Variants in SRRM4 observed in about 807,000 individuals in gnomAD.
SRRM4 encodes the protein serine/arginine repetitive matrix 4, also known as serine/arginine repetitive matrix protein 4.
Under a neutral mutation model 68.9 loss-of-function variants are expected in SRRM4, and 33 were observed. The ratio of observed to expected loss-of-function variants is 0.48; its 90% CI spans 0.36 to 0.64. The LOEUF (loss-of-function observed/expected upper bound fraction) is 0.64, where lower values mean the gene tolerates loss of function less well. SRRM4 is among the 30% of genes least tolerant of loss of function. The pLI is 0.00. For missense variants in SRRM4, 817 were observed against 827.1 expected (o/e 0.99, Z 0.15); for synonymous variants, 318 against 318.8 (o/e 1.00, Z 0.03).
At chr12:119,047,454 C>T (rs984636752) in intron 1 of SRRM4, among the ~76,000 whole-genome samples, 3 of 152,022 alleles carry the variant, frequency 2.0e-5, no homozygotes, top group African/African-American at 7.3e-5. Context: ...TACACTGTAC[C>T]CAATGTGTAG....
rs1167459394 is a variant in SRRM4 at position 119,150,141 on chromosome 12, G to A, written c.1077-876G>A. 2.0e-5 allele frequency among the ~76,000 whole-genome samples: 3 copies of A among 151,408 alleles called. No homozygotes were observed. In the East Asian group the frequency reaches 5.8e-4, roughly 29 times the overall value. On this transcript the variant is annotated intron_variant, in intron 9 of 12. Transcript: ENST00000267260. ...ACTCATTTTTAATATATAAGTAAAA[G>A]GAAAATTACAGTACTATCTGAAATA...
chr12:119,051,677 A>G (rs1165299255), intron 1 of SRRM4, among the ~76,000 whole-genome samples: 1 of 152,192 alleles, frequency 6.6e-6, no homozygotes, highest in Non-Finnish European at 1.5e-5. Flanking sequence ...TGCACTGAAC[A>G]TATTAAAGGC....
intron 1 of SRRM4, among the ~76,000 whole-genome samples, chr12:119,021,161 CTG>C (rs1446005549): frequency 2.6e-5 from 4 of 152,152 alleles, no homozygotes; most frequent in African/African-American, 9.7e-5. Flanking sequence ...CTTCTGGAGA[CTG>C]GGAATATTCT....
chr12:119,104,629 T>C (rs1398392193), intron 2 of SRRM4, among the ~76,000 whole-genome samples: 1 of 152,050 alleles, frequency 6.6e-6, no homozygotes, highest in African/African-American at 2.4e-5. Flanking sequence ...TCCCATCTTG[T>C]TGACGATGAT....
chr12:119,077,178 C>T (rs1005724506), intron 1 of SRRM4, among the ~76,000 whole-genome samples: 1 of 152,184 alleles, frequency 6.6e-6, no homozygotes, highest in Non-Finnish European at 1.5e-5. Context: ...TCCCTACCTA[C>T]AGAATGGCAA....
In SRRM4 at chr12:119,151,079, C is replaced by T. The variant is rs748267299; in HGVS notation, c.1139C>T (p.Thr380Ile). 2.5e-5 allele frequency: 40 copies of T among 1,613,864 alleles called. No individual in the cohort carries two copies. The highest frequency in any genetic ancestry group is 3.3e-5 in the Non-Finnish European group (39 of 1,179,894). The stretch of plus-strand genomic sequence containing the variant: ...AAGAAGTCCAGTTTGGTCCCATCCA[C>T]AGCCCGGAGCTCACCCATGAAAGGG... ...EVKKSSLVPSTARSSPMKGCS... is the reference protein window; with the variant it reads ...EVKKSSLVPSIARSSPMKGCS... Residue 380 changes from threonine to isoleucine, a missense_variant, in exon 10 of 13, where the codon ACA (threonine) becomes ATA (isoleucine). Transcript: ENST00000267260.
intron 1 of SRRM4, among the ~76,000 whole-genome samples, chr12:119,007,646 ACT>A (rs1237561892): frequency 1.3e-5 from 2 of 152,188 alleles, no homozygotes; most frequent in South Asian, 2.1e-4. Flanking sequence ...GAGGAAACAA[ACT>A]CAGAGAGGTT....
At chr12:119,104,237 A>G (rs1954093920) in intron 2 of SRRM4, among the ~76,000 whole-genome samples, 1 of 152,036 alleles carries the variant, frequency 6.6e-6, no homozygotes, top group Non-Finnish European at 1.5e-5. Flanking sequence ...AAATCCTAAG[A>G]TATGTTAGTG....
chr12:119,019,091 C>T (rs1525947), intron 1 of SRRM4, among the ~76,000 whole-genome samples: 42,235 of 152,064 alleles, frequency 0.28, 6,105 homozygotes, highest in Non-Finnish European at 0.31. Flanking sequence ...TGGTCTGCTC[C>T]CCAAAGCTGA....
intron 1 of SRRM4, among the ~76,000 whole-genome samples, chr12:119,022,932 C>T (rs1026186324): frequency 7.9e-5 from 12 of 152,196 alleles, no homozygotes; most frequent in Admixed American, 3.9e-4. Context: ...GCTGCAGTGT[C>T]TCCAGCCATT....
intron 1 of SRRM4, among the ~76,000 whole-genome samples, chr12:119,057,674 A>G (rs2136019902): frequency 6.6e-6 from 1 of 152,282 alleles, no homozygotes; most frequent in Non-Finnish European, 1.5e-5. Context: ...ATGCATCTTT[A>G]TAACAGAATG....
Position 119,116,342 on chromosome 12 carries a change from C to T in SRRM4, c.366-595C>T, listed in dbSNP as rs188480410. Among the ~76,000 whole-genome samples, 10 of 152,306 alleles carry T rather than the reference C, an allele frequency of 6.6e-5. No individual in the cohort carries two copies. In the East Asian group the frequency reaches 1.9e-3, roughly 29 times the overall value. On this transcript the variant is annotated intron_variant, in intron 3 of 12. Transcript: ENST00000267260. ...TTGCTCAGGTAACACTTTGATGGCA[C>T]TATCCGTGCAGCCGCAGCCTGGCAA...
intron 8 of SRRM4, chr12:119,144,457 T>G (rs1014970336): frequency 6.6e-6 from 1 of 152,028 alleles, no homozygotes; most frequent in African/African-American, 2.4e-5. Flanking sequence ...GGTGTGTGTT[T>G]TTTCTTGTCA....
chr12:119,133,436 G>C (rs1415648091), intron 8 of SRRM4, among the ~76,000 whole-genome samples: 4 of 152,130 alleles, frequency 2.6e-5, no homozygotes, highest in Non-Finnish European at 5.9e-5. Flanking sequence ...GCTGGGACTA[G>C]AGCCAAGACC....
chr12:119,052,749 C>T (rs1246042266), intron 1 of SRRM4, among the ~76,000 whole-genome samples: 3 of 152,112 alleles, frequency 2.0e-5, no homozygotes. Context: ...AGAATGGTCT[C>T]GATCTCCTGA....
At chr12:119,029,539 G>A (rs1485514410) in intron 1 of SRRM4, among the ~76,000 whole-genome samples, 1 of 152,216 alleles carries the variant, frequency 6.6e-6, no homozygotes, top group Non-Finnish European at 1.5e-5. Context: ...CTCTGTGCCA[G>A]GGACTGTCAT....
chr12:119,051,160 C>G (rs1047750169), intron 1 of SRRM4, among the ~76,000 whole-genome samples: 3 of 152,182 alleles, frequency 2.0e-5, no homozygotes, highest in African/African-American at 7.2e-5. Flanking sequence ...GTGCAGAGGA[C>G]AGACCCCCAG....
In SRRM4 at chr12:119,007,421, C is replaced by T. The variant is rs558663508; in HGVS notation, c.131+25408C>T. Among the ~76,000 whole-genome samples, 17 of 152,262 alleles carry T rather than the reference C, an allele frequency of 1.1e-4. No homozygotes were observed. In the South Asian group the frequency reaches 3.3e-3, roughly 30 times the overall value. On this transcript the variant is annotated intron_variant, in intron 1 of 12. Transcript: ENST00000267260. ...ATTTTCTCTCTCTTTTTTCTCATCT[C>T]TCCCCCTCTCTTTCCCTTTACCAAT... is the stretch of plus-strand genomic sequence containing the variant.
intron 8 of SRRM4, among the ~76,000 whole-genome samples, chr12:119,141,335 T>G (rs1398640379): frequency 6.6e-6 from 1 of 152,254 alleles, no homozygotes; most frequent in Non-Finnish European, 1.5e-5. Flanking sequence ...ATCTGATCAT[T>G]ACACATTATG....
Sources: gnomAD v4.1 joint callset for allele counts (sites outside exome capture counted in the v4.1 genomes callset) on GRCh38, gnomAD v4.1.1 for gene constraint, MANE v1.5 for transcripts, NCBI Gene and HGNC (gene_info 2026-07-23, HGNC 2026-07-21) for gene names.